The following PDZD2 variants were observed in gnomAD, a reference collection of about 807,000 sequenced individuals.
PDZD2 encodes the protein PDZ domain-containing protein 2.
PDZD2 carries 90 observed loss-of-function variants against 220.7 expected under a neutral mutation model. The ratio of observed to expected loss-of-function variants is 0.41; its 90% CI spans 0.34 to 0.49. The LOEUF is 0.49. PDZD2 is among the 20% of genes least tolerant of loss of function. The pLI, the probability that PDZD2 is intolerant of heterozygous loss-of-function variation, is 0.28. For missense variants in PDZD2, 3,174 were observed against 3,608.5 expected (o/e 0.88, Z 3.08); for synonymous variants, 1,375 against 1,450.5 (o/e 0.95, Z 1.18).
chr5:31,846,194 C>T lies in PDZD2; in HGVS notation c.476+46470C>T, dbSNP rs180837461. Among the ~76,000 whole-genome samples the T allele has an allele frequency of 4.4e-3, 676 of 152,288 alleles. 5 individuals are homozygous for T. Among genetic ancestry groups the T allele is most frequent in the Non-Finnish European group, 4.9e-3 (335 of 68,022 alleles). ...TGTTGCCCAGGCTTGAGTGCAGTGG[C>T]GCAATCTCGCCTCACTGCAACCTCC... On this transcript the variant is annotated intron_variant, in intron 2 of 24. Transcript: ENST00000438447.
rs914793108 is a variant in PDZD2 at position 31,965,902 on chromosome 5, A to G, written c.477-17253A>G. Among the ~76,000 whole-genome samples, 11 of 152,120 alleles carry G rather than the reference A, an allele frequency of 7.2e-5. No homozygotes were observed. The East Asian group carries it at 1.5e-3, about 21-fold the overall frequency. ...CAAGAGTGAAACTCCGTCTCCAAAAAAAAACACCAACCAAAACACTTAAAA... is the reference window on the plus strand; with the variant it reads ...CAAGAGTGAAACTCCGTCTCCAAAAGAAAACACCAACCAAAACACTTAAAA... On this transcript the variant is annotated intron_variant, in intron 2 of 24. Coordinates refer to ENST00000438447, the MANE Select transcript of PDZD2 (RefSeq NM_178140.4).
At position 32,102,583 on chromosome 5, in the gene PDZD2, A is replaced by C. The variant is rs145016709; in HGVS notation, c.8353+1344A>C. On this transcript the variant is annotated intron_variant, in intron 24 of 24. Coordinates refer to ENST00000438447, the MANE Select transcript of PDZD2 (RefSeq NM_178140.4). ...ACTGTTCAAGTTGACAGAGCAGCAG[A>C]AGGAGGAGAACTAGGCTCAGGCAAG... Among the ~76,000 whole-genome samples the C allele has an allele frequency of 7.4e-4, 112 of 152,054 alleles. 1 individual carries two copies. Among genetic ancestry groups the C allele is most frequent in the South Asian group, 1.0e-3 (5 of 4,800 alleles).
At position 32,091,127 on chromosome 5, in the gene PDZD2, C is replaced by A. The variant is rs768394344; in HGVS notation, c.7679C>A (p.Thr2560Lys). Residue 2560 changes from threonine (T) to lysine (K), a missense_variant, in exon 20 of 25, where the codon ACG (threonine) becomes AAG (lysine). Coordinates refer to ENST00000438447, the MANE Select transcript of PDZD2 (RefSeq NM_178140.4). ...AAETPSSASD[T>K]GEAAQDLPFR... The stretch of plus-strand genomic sequence containing the variant: ...GAGACACCCAGTTCAGCCAGTGATA[C>A]GGGTGAAGCTGCCCAGGATCTGCCT... The A allele has an allele frequency of 1.3e-6, 2 of 1,592,916 alleles. No individual in the cohort carries two copies. Among genetic ancestry groups the A allele is most frequent in the Non-Finnish European group, 1.7e-6 (2 of 1,163,306 alleles).
chr5:31,790,182 A>G (rs1249671105), intron 1 of PDZD2, among the ~76,000 whole-genome samples: 1 of 151,560 alleles, frequency 6.6e-6, no homozygotes, highest in Admixed American at 6.6e-5. Context: ...ATCTCGGCTC[A>G]CTGCAACCTC....
chr5:31,671,756 G>C (rs1746224941), intron 1 of PDZD2, among the ~76,000 whole-genome samples: 1 of 152,258 alleles, frequency 6.6e-6, no homozygotes, highest in African/African-American at 2.4e-5. Context: ...CCTGCATGCA[G>C]ATCACATGGA....
In PDZD2 at chr5:31,689,330, C is replaced by CATATGCATATAT. The variant is rs1375688425; in HGVS notation, c.-361+49897_-361+49898insGCATATATATAT. Reference sequence around the variant, plus strand: ...ATACATACATATACACATATATATACATATACATATATATATATATATATT... The same window carrying CATATGCATATAT: ...ATACATACATATACACATATATATACATATGCATATATATATACATATATATATATATATATT... On this transcript the variant is annotated intron_variant, in intron 1 of 24. Transcript: ENST00000438447. Among the ~76,000 whole-genome samples, 194 of 58,572 alleles carry CATATGCATATAT rather than the reference C, an allele frequency of 3.3e-3. 27 individuals carry two copies. The highest frequency in any genetic ancestry group is 4.6e-3 in the South Asian group (8 of 1,740). 38.4% of individuals were successfully genotyped at this position (58,572 alleles called of 152,430 possible).
chr5:31,849,935 C>CGTGT (rs1757862833), intron 2 of PDZD2, among the ~76,000 whole-genome samples: 1 of 19,184 alleles, frequency 5.2e-5, no homozygotes, highest in African/African-American at 2.9e-4. Flanking sequence ...TATATATACA[C>CGTGT]ATATATATAT....
At chr5:31,895,068 T>G (rs1741419259) in intron 2 of PDZD2, among the ~76,000 whole-genome samples, 1 of 152,170 alleles carries the variant, frequency 6.6e-6, no homozygotes, top group African/African-American at 2.4e-5. Flanking sequence ...TTTTGTATTT[T>G]TAGTAGAGAC....
At chr5:31,926,473 C>G (rs1337722053) in intron 2 of PDZD2, among the ~76,000 whole-genome samples, 9 of 134,072 alleles carry the variant, frequency 6.7e-5, no homozygotes, top group Non-Finnish European at 1.1e-4. Context: ...TTGCAGTGAG[C>G]CGAGATGGCA....
chr5:32,038,256 C>T (rs13157600), intron 7 of PDZD2, among the ~76,000 whole-genome samples: 27,515 of 98,968 alleles, frequency 0.28, 2,675 homozygotes, highest in African/African-American at 0.35. Flanking sequence ...GGAGGCCGGG[C>T]GCGGTGGCTC....
intron 1 of PDZD2, among the ~76,000 whole-genome samples, chr5:31,798,661 C>T (rs570228003): frequency 6.6e-6 from 1 of 152,302 alleles, no homozygotes; most frequent in African/African-American, 2.4e-5. Context: ...ATCCAGGAAA[C>T]TTCCTGGAGA....
intron 1 of PDZD2, among the ~76,000 whole-genome samples, chr5:31,655,700 C>G (rs753462724): frequency 6.6e-6 from 1 of 152,144 alleles, no homozygotes; most frequent in Non-Finnish European, 1.5e-5. Context: ...CATTTAAACA[C>G]TGATGCCCCA....
rs16889437 is a variant in PDZD2, at chr5:32,089,010, G to A, written c.5562G>A (p.Pro1854=). 2,462 of 1,613,828 alleles carry A rather than the reference G, an allele frequency of 1.5e-3. 36 individuals are homozygous for A. In the African/African-American group the frequency reaches 0.028, roughly 18 times the overall value. The change falls in exon 20 of 25, where the codon CCG becomes CCA. Residue 1854 remains proline, a synonymous_variant. Transcript: ENST00000438447. ...CTGTGCCTCATAGCCCTCCTCAGCC[G>A]AAAACAAACCTGGAAAATAAGGACC... ...GVTVPHSPPQ[P]KTNLENKDLS... is the part of the protein sequence containing the mutation.
chr5:31,772,244 A>T (rs1046519892), intron 1 of PDZD2, among the ~76,000 whole-genome samples: 84 of 151,652 alleles, frequency 5.5e-4, no homozygotes, highest in African/African-American at 1.8e-3. Context: ...ACCTGCTCTG[A>T]CCTAAGTCAC....
chr5:32,048,390 G>A, intron 7 of PDZD2, 149 bp from the exon 8 acceptor site: 1 of 638,358 alleles, frequency 1.6e-6, no homozygotes, highest in Non-Finnish European at 2.7e-6. Flanking sequence ...CTATTAGGAT[G>A]GGCTAGGCTC....
chr5:31,772,865 A>G (rs1256184490), intron 1 of PDZD2, among the ~76,000 whole-genome samples: 1 of 152,214 alleles, frequency 6.6e-6, no homozygotes, highest in African/African-American at 2.4e-5. Flanking sequence ...TCAACTGAGT[A>G]ACTGGAGCAA....
intron 6 of PDZD2, among the ~76,000 whole-genome samples, chr5:32,035,184 A>G (rs1431061185): frequency 1.3e-5 from 2 of 152,220 alleles, no homozygotes; most frequent in Non-Finnish European, 2.9e-5. Context: ...GAATTTGTAT[A>G]TAAACAATTA....
chr5:31,963,555 G>A (rs564702643), intron 2 of PDZD2, among the ~76,000 whole-genome samples: 1 of 152,150 alleles, frequency 6.6e-6, no homozygotes, highest in African/African-American at 2.4e-5. Flanking sequence ...AATATTCAGG[G>A]GTCAGCTGAT....
intron 7 of PDZD2, among the ~76,000 whole-genome samples, chr5:32,048,138 A>G (rs1738156284): frequency 6.6e-6 from 1 of 152,230 alleles, no homozygotes; most frequent in African/African-American, 2.4e-5. Context: ...AGTCGTGCCT[A>G]TACTTGGAAA....
Sources: allele counts gnomAD v4.1 joint callset (sites outside exome capture counted in the v4.1 genomes callset), GRCh38; gene constraint gnomAD v4.1.1; transcripts MANE v1.5; gene names NCBI Gene and HGNC (gene_info 2026-07-23, HGNC 2026-07-21).